PRDM1: variants seen among roughly 807,000 people sequenced by gnomAD.
The protein encoded by PRDM1 is PR/SET domain 1.
Under a neutral mutation model 62.8 loss-of-function variants are expected in PRDM1, and 13 were observed. The ratio of observed to expected loss-of-function variants is 0.21; its 90% CI spans 0.13 to 0.33. The LOEUF (loss-of-function observed/expected upper bound fraction) is 0.33. Ranked by LOEUF, PRDM1 falls within the 10% of genes least tolerant of loss-of-function variation. The pLI, the probability that PRDM1 is intolerant of heterozygous loss-of-function variation, is 1.00. For missense variants in PRDM1, 895 were observed against 1,058.8 expected (o/e 0.85, Z 2.15); for synonymous variants, 396 against 417.6 (o/e 0.95, Z 0.63).
rs2114657891 is a variant in PRDM1 at position 106,105,775 on chromosome 6, G to A, written c.1615G>A (p.Ala539Thr). ...GCCCAAAGCTACCTCAGCAGCGATG[G>A]CAGCCCCCAGCAGCGACGAAGCCAT... Reference protein sequence around the residue: ...VQPKATSAAMAAPSSDEAMNL... With the variant: ...VQPKATSAAMTAPSSDEAMNL... Residue 539 changes from alanine (A) to threonine (T), a missense_variant, in exon 5 of 7, where the codon GCA (alanine) becomes ACA (threonine). Transcript: ENST00000369096. 2 of 1,614,180 alleles carry A rather than the reference G, an allele frequency of 1.2e-6. No individual in the cohort carries two copies. The highest frequency in any genetic ancestry group is 1.7e-6 in the Non-Finnish European group (2 of 1,180,042).
At chr6:106,091,642 TG>T (rs1282718971) in intron 2 of PRDM1, among the ~76,000 whole-genome samples, 2 of 151,670 alleles carry the variant, frequency 1.3e-5, no homozygotes, top group African/African-American at 4.9e-5. Flanking sequence ...TAGCCGGGCG[TG>T]GTGGTGGGCG....
At chr6:106,044,048 A>G (rs974554151), upstream of PRDM1, among the ~76,000 whole-genome samples, 4 of 152,054 alleles carry the variant, frequency 2.6e-5, no homozygotes, top group Admixed American at 2.0e-4. Context: ...TAACCCCACT[A>G]TATGTGTGAA....
At chr6:106,036,682 G>A (rs62420725) in intron 1 of PRDM1, among the ~76,000 whole-genome samples, 286 of 152,102 alleles carry the variant, frequency 1.9e-3, no homozygotes, top group Admixed American at 3.8e-3. Context: ...CTTTACAGCC[G>A]GGCGTGGTGG....
intron 1 of PRDM1, among the ~76,000 whole-genome samples, chr6:105,998,933 A>ATAT (rs1290453454): frequency 4.9e-3 from 31 of 6,362 alleles, no homozygotes; most frequent in Non-Finnish European, 6.1e-3. Flanking sequence ...ATATATATAT[A>ATAT]TTTTTTTTTT....
At chr6:106,033,842 A>G (rs1772883912) in intron 1 of PRDM1, among the ~76,000 whole-genome samples, 1 of 152,002 alleles carries the variant, frequency 6.6e-6, no homozygotes, top group Non-Finnish European at 1.5e-5. Context: ...AATATTTGGT[A>G]GAATTCACCA....
At chr6:106,000,146 G>A (rs1315819628) in intron 1 of PRDM1, among the ~76,000 whole-genome samples, 1 of 152,214 alleles carries the variant, frequency 6.6e-6, no homozygotes, top group East Asian at 1.9e-4. Flanking sequence ...ACCGCGCCTG[G>A]CATTATCTAT....
chr6:106,081,340 A>G (rs193189054), upstream of PRDM1, among the ~76,000 whole-genome samples: 1 of 152,340 alleles, frequency 6.6e-6, no homozygotes, highest in Admixed American at 6.5e-5. Context: ...GATCCATTAC[A>G]GAACCCTGAG....
intron 1 of PRDM1, among the ~76,000 whole-genome samples, chr6:106,014,313 G>A (rs1772591185): frequency 6.6e-6 from 1 of 151,848 alleles, no homozygotes; most frequent in Non-Finnish European, 1.5e-5. Context: ...GCCCGCCTCT[G>A]CCTCCCAAAG....
Position 106,086,519 on chromosome 6 carries a change from G to A in PRDM1, c.-35G>A. On this transcript the variant is annotated 5_prime_UTR_variant, in exon 1 of 7. It adds an upstream start codon to the 5' untranslated region. Coordinates refer to ENST00000369096, the MANE Select transcript of PRDM1 (RefSeq NM_001198.4). ...GCCTGGCGGGGGACGCGGGGAGAAT[G>A]TGGACTGGGTAGAGATGAACGAGAC... is the stretch of plus-strand genomic sequence containing the variant. 1 of 1,546,834 alleles carries A rather than the reference G, an allele frequency of 6.5e-7. No homozygotes were observed. Among genetic ancestry groups the A allele is most frequent in the Non-Finnish European group, 8.7e-7 (1 of 1,142,946 alleles).
At chr6:106,082,394 C>G (rs578161653), upstream of PRDM1, among the ~76,000 whole-genome samples, 2 of 152,242 alleles carry the variant, frequency 1.3e-5, no homozygotes, top group African/African-American at 4.8e-5. Flanking sequence ...CCCCACAAGT[C>G]ATCTGGAAAT....
intron 1 of PRDM1, among the ~76,000 whole-genome samples, chr6:106,016,717 C>T (rs917109454): frequency 2.1e-5 from 3 of 144,032 alleles, no homozygotes; most frequent in Admixed American, 7.3e-5. Flanking sequence ...GGCGCAATAT[C>T]GGCTCATTGC....
intron 3 of PRDM1, chr6:106,098,303 G>A (rs1292725475): frequency 3.0e-6 from 3 of 985,198 alleles, no homozygotes; most frequent in Non-Finnish European, 3.6e-6. Context: ...ACTTTGTGTG[G>A]AAGGATAAGG....
intron 1 of PRDM1, among the ~76,000 whole-genome samples, chr6:106,061,450 TACATGC>T (rs2114592876): frequency 6.6e-6 from 1 of 152,354 alleles, no homozygotes; most frequent in Admixed American, 6.5e-5. Flanking sequence ...GCTAAAGAGT[TACATGC>T]CTGCCAGGAT....
At chr6:106,019,589 A>T (rs1281216229) in intron 1 of PRDM1, among the ~76,000 whole-genome samples, 1 of 151,484 alleles carries the variant, frequency 6.6e-6, no homozygotes. Flanking sequence ...CTAATTAATA[A>T]GTGATGCACA....
intron 4 of PRDM1, among the ~76,000 whole-genome samples, chr6:106,103,187 A>G (rs1171235825): frequency 6.6e-6 from 1 of 152,024 alleles, no homozygotes; most frequent in Non-Finnish European, 1.5e-5. Context: ...CTGGGGCTTC[A>G]GGCTCGCCCA....
chr6:106,100,979 G>A (rs577941544), intron 4 of PRDM1, among the ~76,000 whole-genome samples: 21 of 152,186 alleles, frequency 1.4e-4, no homozygotes, highest in African/African-American at 5.1e-4. Flanking sequence ...CCCTAGGGCT[G>A]AGCCTCCCAG....
intron 1 of PRDM1, among the ~76,000 whole-genome samples, chr6:106,072,718 T>A (rs1773538393): frequency 6.6e-6 from 1 of 152,168 alleles, no homozygotes; most frequent in South Asian, 2.1e-4. Flanking sequence ...CTTCTAACCA[T>A]CTACATCATG....
intron 2 of PRDM1, among the ~76,000 whole-genome samples, chr6:106,090,290 T>C (rs1369473604): frequency 6.6e-6 from 1 of 152,218 alleles, no homozygotes; most frequent in African/African-American, 2.4e-5. Context: ...TATTTCAATA[T>C]ATTAAGCAAC....
intron 1 of PRDM1, among the ~76,000 whole-genome samples, chr6:106,031,855 C>T (rs1019138162): frequency 1.4e-4 from 21 of 152,146 alleles, no homozygotes; most frequent in Admixed American, 1.0e-3. Flanking sequence ...ACAAAAAGCC[C>T]GAGTTGGAGT....
Sources: allele counts gnomAD v4.1 joint callset (sites outside exome capture counted in the v4.1 genomes callset), GRCh38; gene constraint gnomAD v4.1.1; transcripts MANE v1.5; gene names NCBI Gene and HGNC (gene_info 2026-07-23, HGNC 2026-07-21).